The following ATAD3B variants were observed in gnomAD, a reference collection of about 807,000 sequenced individuals.
ATAD3B encodes ATPase family AAA domain containing 3B.
In ATAD3B, 59 loss-of-function variants were observed where a neutral mutation model predicts 70.2. The ratio of observed to expected loss-of-function variants is 0.84; its 90% confidence interval spans 0.68 to 1.04. The LOEUF is 1.04. Ranked by LOEUF, ATAD3B falls within the 50% of genes least tolerant of loss-of-function variation. The pLI is 0.00. For missense variants in ATAD3B, 961 were observed against 913.4 expected (o/e 1.05, Z -0.67); for synonymous variants, 423 against 388.6 (o/e 1.09, Z -1.04).
In ATAD3B at chr1:1,495,139, C is replaced by A. The variant is rs372040523; in HGVS notation, c.1615-346C>A. Reference sequence around the variant, plus strand: ...TGAGGTGCACTATGACCCGGGGGCACTGCCTGGCCACGGCTGAGACTCGCA... The same window carrying A: ...TGAGGTGCACTATGACCCGGGGGCAATGCCTGGCCACGGCTGAGACTCGCA... On this transcript the variant is annotated intron_variant, in intron 15 of 15. Coordinates refer to ENST00000673477, the MANE Select transcript of ATAD3B (RefSeq NM_031921.6). Among the ~76,000 whole-genome samples, 421 of 152,186 alleles carry A rather than the reference C, an allele frequency of 2.8e-3. 2 individuals are homozygous for A. The highest frequency in any genetic ancestry group is 9.5e-3 in the African/African-American group (395 of 41,554).
At chr1:1,498,428 T>C (rs1021450136), downstream of ATAD3B, among the ~76,000 whole-genome samples, 2 of 151,846 alleles carry the variant, frequency 1.3e-5, no homozygotes, top group African/African-American at 4.8e-5. Context: ...ACCACTGCAC[T>C]CCAGCCTGGG....
chr1:1,485,983 T>C, intron 9 of ATAD3B, 127 bp from the exon 10 acceptor site: 2 of 1,589,374 alleles, frequency 1.3e-6, no homozygotes, highest in Non-Finnish European at 1.7e-6. Flanking sequence ...CGGGGATAGA[T>C]AGGCTGCCCA....
At chr1:1,492,740 C>T (rs772840014) in intron 15 of ATAD3B, among the ~76,000 whole-genome samples, 7 of 151,872 alleles carry the variant, frequency 4.6e-5, no homozygotes, top group Non-Finnish European at 8.8e-5. Flanking sequence ...GAGTTCAAGA[C>T]CAGCCTGGAC....
chr1:1,483,103 G>A (rs554273545), intron 7 of ATAD3B: 2 of 451,584 alleles, frequency 4.4e-6, no homozygotes, highest in East Asian at 7.0e-5. Flanking sequence ...GATCATCCTG[G>A]TAAGAGTGAA....
intron 14 of ATAD3B, 68 bp from the exon 15 acceptor site, chr1:1,490,495 T>G (rs1640481876): frequency 1.9e-6 from 3 of 1,611,098 alleles, no homozygotes; most frequent in Non-Finnish European, 2.5e-6. Flanking sequence ...GCTGCCTGTC[T>G]TCCGGCCTCC....
In ATAD3B at chr1:1,495,535, C is replaced by T. The variant is rs112543187; in HGVS notation, c.1665C>T (p.Asp555=). 4.1e-5 allele frequency: 66 copies of T among 1,612,594 alleles called. 2 individuals are homozygous for T. Among genetic ancestry groups the T allele is most frequent in the African/African-American group, 3.3e-4 (25 of 75,030 alleles). The change falls in exon 16 of 16, where the codon GAC becomes GAT. Residue 555 remains aspartate, a synonymous_variant. Coordinates refer to ENST00000673477, the MANE Select transcript of ATAD3B (RefSeq NM_031921.6). ...KDGVLTEAMM[D]ACVQDAVQQY... ...GGGTCCTCACTGAGGCCATGATGGA[C>T]GCCTGTGTGCAAGATGCTGTCCAGC...
rs916519242 is a variant in ATAD3B at position 1,489,467 on chromosome 1, C to T, written c.1337+193C>T. On this transcript the variant is annotated intron_variant, in intron 13 of 15. Coordinates refer to ENST00000673477, the MANE Select transcript of ATAD3B (RefSeq NM_031921.6). ...CATTGAGGAACATGCAGGGGCCTCC[C>T]GGGCAGAGCTGGGGTCAGTCCTGTC... 97 of 1,128,928 alleles carry T rather than the reference C, an allele frequency of 8.6e-5. 1 individual carries two copies. Among genetic ancestry groups the T allele is most frequent in the African/African-American group, 2.8e-4 (18 of 63,528 alleles). 69.9% of individuals were successfully genotyped at this position (1,128,928 alleles called of 1,614,324 possible).
chr1:1,474,146 A>G (rs1255575441), intron 1 of ATAD3B, among the ~76,000 whole-genome samples: 1 of 151,586 alleles, frequency 6.6e-6, no homozygotes, highest in Non-Finnish European at 1.5e-5. Flanking sequence ...CAGCCTCCTG[A>G]GGAGAGGGGA....
chr1:1,507,147 C>T, the ATAD3B span, among the ~76,000 whole-genome samples: 2 of 152,170 alleles, frequency 1.3e-5, no homozygotes, highest in African/African-American at 4.8e-5. Flanking sequence ...GTGATTTTAC[C>T]TCTCCCTTTT....
rs1209816185 is a variant in ATAD3B at position 1,496,765 on chromosome 1, GCCCCTGTCC to G, written c.*951_*959del. On this transcript the variant is annotated 3_prime_UTR_variant, in exon 16 of 16. Coordinates refer to ENST00000673477, the MANE Select transcript of ATAD3B (RefSeq NM_031921.6). ...GGCTGGGGCCTACTCTGGGACTGCAGCCCCTGTCCCCGCTGGCCCAGGCTTCCGGAGGCA... is the reference window on the plus strand; with the variant it reads ...GGCTGGGGCCTACTCTGGGACTGCAGCCGCTGGCCCAGGCTTCCGGAGGCA... The G allele has an allele frequency of 6.7e-6, 1 of 148,322 alleles. No homozygotes were observed. Among genetic ancestry groups the G allele is most frequent in the Non-Finnish European group, 1.5e-5 (1 of 67,446 alleles). The allele number at this position is 148,322 out of a possible 1,614,324, so 9.2% of individuals were successfully genotyped here.
At chr1:1,478,598 T>G (rs1639724548) in intron 2 of ATAD3B, 46 bp from the exon 3 acceptor site, 1 of 1,549,488 alleles carries the variant, frequency 6.5e-7, no homozygotes, top group South Asian at 1.2e-5. Flanking sequence ...TGTCAGGCAG[T>G]GCCAGCCCTG....
chr1:1,481,593 C>T (rs1472813124), intron 5 of ATAD3B, among the ~76,000 whole-genome samples: 2 of 106,978 alleles, frequency 1.9e-5, no homozygotes, highest in Non-Finnish European at 3.7e-5. Flanking sequence ...CGTGGGTGGG[C>T]TTGTGGCGAG....
intron 15 of ATAD3B, among the ~76,000 whole-genome samples, chr1:1,493,425 A>C (rs1363815424): frequency 6.6e-6 from 1 of 151,326 alleles, no homozygotes; most frequent in African/African-American, 2.4e-5. Flanking sequence ...CTGGTTTGTT[A>C]ATTTTTTTTG....
chr1:1,474,788 G>A (rs1176392811), intron 1 of ATAD3B, among the ~76,000 whole-genome samples: 2 of 151,968 alleles, frequency 1.3e-5, no homozygotes, highest in African/African-American at 2.4e-5. Flanking sequence ...GGCGTGAGCC[G>A]CTGCTCATGG....
rs1271764191 is a variant in ATAD3B, at chr1:1,479,406, ACCCCTGCACACACGGGCCCACACACT to A, written c.444+311_444+336del. 8.2e-4 allele frequency among the ~76,000 whole-genome samples: 116 copies of A among 141,778 alleles called. 8 individuals carry two copies. In the South Asian group the frequency reaches 0.015, roughly 18 times the overall value. 93.0% of individuals were successfully genotyped at this position (141,778 alleles called of 152,430 possible). On this transcript the variant is annotated intron_variant, in intron 4 of 15. Transcript: ENST00000673477. ...CCCCTGCACACATGGGCACACACACACCCCTGCACACACGGGCCCACACACTCCCCTGCACACATGGGGAAACATGG... is the reference window on the plus strand; with the variant it reads ...CCCCTGCACACATGGGCACACACACACCCCTGCACACATGGGGAAACATGG...
chr1:1,500,348 G>C (rs1046782792), downstream of ATAD3B, among the ~76,000 whole-genome samples: 451 of 140,572 alleles, frequency 3.2e-3, 2 homozygotes, highest in East Asian at 0.01. Flanking sequence ...GTCAGGAGAT[G>C]GAGACCATCC....
In ATAD3B at chr1:1,481,826, G is replaced by A. The variant is rs868367663; in HGVS notation, c.515-312G>A. Reference sequence around the variant, plus strand: ...TGGCGCTGTCCCTACCAAGGTCTGTGTGTGTCTGTGGCACGGGCCTGTCCA... The same window carrying A: ...TGGCGCTGTCCCTACCAAGGTCTGTATGTGTCTGTGGCACGGGCCTGTCCA... On this transcript the variant is annotated intron_variant, in intron 5 of 15. Coordinates refer to ENST00000673477, the MANE Select transcript of ATAD3B (RefSeq NM_031921.6). 1.5e-4 allele frequency among the ~76,000 whole-genome samples: 23 copies of A among 152,134 alleles called. 1 individual carries two copies. The highest frequency in any genetic ancestry group is 5.9e-4 in the Admixed American group (9 of 15,266).
downstream of ATAD3B, among the ~76,000 whole-genome samples, chr1:1,498,494 C>T (rs1325392659): frequency 6.6e-6 from 1 of 151,620 alleles, no homozygotes; most frequent in Non-Finnish European, 1.5e-5. Flanking sequence ...AAAACCAAAC[C>T]CTTGATGATG....
At position 1,484,664 on chromosome 1, in the gene ATAD3B, C is replaced by G. The variant is rs1038043538; in HGVS notation, c.751-352C>G. 3 of 278,170 alleles carry G rather than the reference C, an allele frequency of 1.1e-5. No individual in the cohort carries two copies. The East Asian group carries it at 2.4e-4, about 22-fold the overall frequency. 17.2% of individuals were successfully genotyped at this position (278,170 alleles called of 1,614,324 possible). ...AGAGATTTTGGGTTAGTCTTGTTTTCCAGGAATAAAGTACCATTTTTAGTG... is the reference window on the plus strand; with the variant it reads ...AGAGATTTTGGGTTAGTCTTGTTTTGCAGGAATAAAGTACCATTTTTAGTG... On this transcript the variant is annotated intron_variant, in intron 7 of 15. Transcript: ENST00000673477.
Sources: allele counts gnomAD v4.1 joint callset (sites outside exome capture counted in the v4.1 genomes callset), GRCh38; gene constraint gnomAD v4.1.1; transcripts MANE v1.5; gene names NCBI Gene and HGNC (gene_info 2026-07-23, HGNC 2026-07-21).